The following UTRN variants were observed in gnomAD, a reference collection of about 807,000 sequenced individuals.
The protein encoded by UTRN is dystrophin-related protein 1.
Under a neutral mutation model 463.9 loss-of-function variants are expected in UTRN, and 283 were observed. The ratio of observed to expected loss-of-function variants is 0.61; its 90% CI spans 0.55 to 0.67. The LOEUF (loss-of-function observed/expected upper bound fraction) is 0.67. UTRN is among the 30% of genes least tolerant of loss of function. UTRN has a pLI of 0.00. For synonymous variants in UTRN, 1,442 were observed against 1,431.5 expected (o/e 1.01, Z -0.17); for missense variants, 3,922 against 4,084.3 (o/e 0.96, Z 1.08).
At chr6:144,760,814 A>T (rs952029085) in intron 58 of UTRN, among the ~76,000 whole-genome samples, 4 of 152,358 alleles carry the variant, frequency 2.6e-5, no homozygotes, top group Admixed American at 2.0e-4. Flanking sequence ...TGGCTAACAA[A>T]AAATAATATT....
At chr6:144,778,277 T>C (rs760290307) in intron 60 of UTRN, among the ~76,000 whole-genome samples, 19 of 152,016 alleles carry the variant, frequency 1.2e-4, no homozygotes, top group Admixed American at 6.6e-5. Flanking sequence ...GGGTAGTTGG[T>C]AAATTGTGGC....
chr6:144,809,805 G>A (rs1778453274), intron 65 of UTRN, among the ~76,000 whole-genome samples: 2 of 152,132 alleles, frequency 1.3e-5, no homozygotes, highest in African/African-American at 4.8e-5. Flanking sequence ...AGTAGATGAA[G>A]CTAAGGGGAA....
intron 63 of UTRN, among the ~76,000 whole-genome samples, chr6:144,797,319 G>C (rs1366239898): frequency 6.6e-6 from 1 of 151,950 alleles, no homozygotes; most frequent in African/African-American, 2.4e-5. Context: ...CTCCCGAGTA[G>C]CTGGGACTAC....
At chr6:144,768,959 T>G (rs538923054) in intron 58 of UTRN, among the ~76,000 whole-genome samples, 1,700 of 106,316 alleles carry the variant, frequency 0.016, 55 homozygotes, top group African/African-American at 0.066. Context: ...TTTTGTTTTG[T>G]TTTTTTTTTT....
intron 51 of UTRN, among the ~76,000 whole-genome samples, chr6:144,656,988 C>T (rs1161153736): frequency 2.0e-5 from 3 of 152,168 alleles, no homozygotes; most frequent in Non-Finnish European, 2.9e-5. Context: ...TAGTGGCTTA[C>T]GCCTGTAATC....
intron 4 of UTRN, among the ~76,000 whole-genome samples, chr6:144,422,676 A>G (rs547588534): frequency 1.3e-5 from 2 of 152,162 alleles, no homozygotes; most frequent in South Asian, 4.2e-4. Context: ...GATTTTCAGG[A>G]TTATATTTTG....
At position 144,458,796 on chromosome 6, in the gene UTRN, A is replaced by C. The variant is rs141598253; in HGVS notation, c.2311A>C (p.Asn771His). 100 of 1,602,584 alleles carry C rather than the reference A, an allele frequency of 6.2e-5. 1 individual carries two copies. In the African/African-American group the frequency reaches 1.1e-3, roughly 18 times the overall value. ...AGGCCTTCCTACTGAAGAAATAAAAAATGTTCTGGAGAAGGTTTCATCAGA... is the reference window on the plus strand; with the variant it reads ...AGGCCTTCCTACTGAAGAAATAAAACATGTTCTGGAGAAGGTTTCATCAGA... ...KEGLPTEEIK[N>H]VLEKVSSEWK... The change falls in exon 20 of 75, where the codon AAT (asparagine) becomes CAT (histidine). Residue 771 changes from asparagine (N) to histidine (H), a missense_variant. Transcript: ENST00000367545.
chr6:144,513,891 T>C lies in UTRN; in HGVS notation c.4945-18T>C. 6.2e-7 allele frequency: 1 copy of C among 1,609,652 alleles called. No individual in the cohort carries two copies. Among genetic ancestry groups the C allele is most frequent in the Non-Finnish European group, 8.5e-7 (1 of 1,178,668 alleles). On this transcript the variant is annotated intron_variant, in intron 35 of 74. Transcript: ENST00000367545. ...TATTTCATATGGTTATGTAAGCATT[T>C]TATTAATTCCTTTGTAGAACCATCA... is the stretch of plus-strand genomic sequence containing the variant.
chr6:144,453,730 T>A, intron 18 of UTRN, 52 bp from the exon 19 acceptor site: 3 of 1,519,582 alleles, frequency 2.0e-6, no homozygotes, highest in Non-Finnish European at 2.7e-6. Flanking sequence ...AACAGCAACA[T>A]TATATTGAGA....
In UTRN at chr6:144,480,520, C is replaced by T. The variant is rs74450027; in HGVS notation, c.3507+538C>T. Among the ~76,000 whole-genome samples the T allele has an allele frequency of 7.2e-4, 109 of 152,236 alleles. 1 individual carries two copies. The East Asian group carries it at 8.1e-3, about 11-fold the overall frequency. On this transcript the variant is annotated intron_variant, in intron 26 of 74. Transcript: ENST00000367545. ...TACATACGGCACATATGAACACTGA[C>T]GTTTCATTAGAGCAGGTAGGAATAG...
intron 51 of UTRN, among the ~76,000 whole-genome samples, chr6:144,668,864 G>A (rs1780698111): frequency 1.3e-5 from 2 of 152,202 alleles, no homozygotes. Context: ...AAGCTTCAGA[G>A]TAGAAGGACA....
intron 51 of UTRN, among the ~76,000 whole-genome samples, chr6:144,634,392 C>T (rs1776876268): frequency 6.6e-6 from 1 of 152,140 alleles, no homozygotes; most frequent in Non-Finnish European, 1.5e-5. Context: ...ATGTGGGTGA[C>T]AACTAGGAGA....
chr6:144,551,371 T>A (rs1214172295), intron 48 of UTRN, among the ~76,000 whole-genome samples: 2 of 152,204 alleles, frequency 1.3e-5, no homozygotes, highest in African/African-American at 4.8e-5. Context: ...ACTTAGGCTT[T>A]CTTTTAGAGG....
At chr6:144,717,716 A>G (rs547834873) in intron 53 of UTRN, among the ~76,000 whole-genome samples, 1 of 136,754 alleles carries the variant, frequency 7.3e-6, no homozygotes, top group South Asian at 2.3e-4. Context: ...GCTCACTGCA[A>G]CCTCCGCCTC....
At chr6:144,544,952 A>C (rs1449220173) in intron 46 of UTRN, among the ~76,000 whole-genome samples, 1 of 152,054 alleles carries the variant, frequency 6.6e-6, no homozygotes, top group African/African-American at 2.4e-5. Context: ...CTACTCATTT[A>C]AACTGATGTA....
intron 70 of UTRN, 63 bp from the exon 71 acceptor site, chr6:144,836,238 A>G: frequency 1.2e-6 from 2 of 1,602,076 alleles, no homozygotes; most frequent in Admixed American, 3.4e-5. Flanking sequence ...AACCTCACAG[A>G]CGATTTTGGA....
chr6:144,673,433 C>T (rs912211102), intron 51 of UTRN, among the ~76,000 whole-genome samples: 1 of 151,950 alleles, frequency 6.6e-6, no homozygotes, highest in African/African-American at 2.4e-5. Context: ...GCTTTAAAGT[C>T]TGTTTTGTCT....
chr6:144,429,720 A>G lies in UTRN; in HGVS notation c.834A>G (p.Glu278=). The G allele has an allele frequency of 1.2e-6, 2 of 1,611,366 alleles. No homozygotes were observed. Among genetic ancestry groups the G allele is most frequent in the Non-Finnish European group, 1.7e-6 (2 of 1,179,086 alleles). ...CAAGGAAATATAAAAAAGAATGTGAAGAAGAGGCAATTAATATACAGGTAC... is the reference window on the plus strand; with the variant it reads ...CAAGGAAATATAAAAAAGAATGTGAGGAAGAGGCAATTAATATACAGGTAC... ...TLPRKYKKEC[E]EEAINIQSTA... is the part of the protein sequence containing the mutation. Residue 278 remains glutamate, a synonymous_variant, in exon 9 of 75, where the codon GAA becomes GAG. Transcript: ENST00000367545.
chr6:144,700,249 TG>T lies in UTRN; in HGVS notation c.7809+8del, dbSNP rs1784442020. On this transcript the variant is annotated splice_region_variant and intron_variant, in intron 53 of 74. Transcript: ENST00000367545. ...TCCAGTATGACCATTGTAAGGTAAG[TG>T]GATAACCTATAGTGAGTCGCTTAAT... is the stretch of plus-strand genomic sequence containing the variant. 1 of 1,610,230 alleles carries T rather than the reference TG, an allele frequency of 6.2e-7. No homozygotes were observed. Among genetic ancestry groups the T allele is most frequent in the African/African-American group, 1.3e-5 (1 of 74,820 alleles).
Sources: allele counts gnomAD v4.1 joint callset (sites outside exome capture counted in the v4.1 genomes callset), GRCh38; gene constraint gnomAD v4.1.1; transcripts MANE v1.5; gene names NCBI Gene and HGNC (gene_info 2026-07-23, HGNC 2026-07-21).